Variants in ADGRG2 observed in about 807,000 individuals in gnomAD.
The protein encoded by ADGRG2 is adhesion G protein-coupled receptor G2, also known as G protein-coupled receptor 64.
Under a neutral mutation model 74.1 loss-of-function variants are expected in ADGRG2, and 26 were observed. The ratio of observed to expected loss-of-function variants is 0.35; its 90% confidence interval spans 0.26 to 0.49. The LOEUF is 0.49. ADGRG2 is among the 20% of genes least tolerant of loss of function. The pLI is 0.99. For synonymous variants in ADGRG2, 296 were observed against 295.2 expected (o/e 1.00, Z -0.03); for missense variants, 619 against 763.1 (o/e 0.81, Z 2.22).
chrX:19,078,204 T>C (rs888241723), intron 2 of ADGRG2, among the ~76,000 whole-genome samples: 3 of 112,064 alleles, frequency 2.7e-5, no homozygotes, highest in African/African-American at 9.7e-5. Context: ...AACAAAAAGT[T>C]AGATGTGTTA....
At position 18,990,825 on chromosome X, in the gene ADGRG2, CA is replaced by C. The variant is rs755562938; in HGVS notation, c.*38del. Reference sequence around the variant, plus strand: ...GTAAAAGGTAAAATTGGACATTTCACACTGTCAAGCATCATGCTTTGATTTT... The same window carrying C: ...GTAAAAGGTAAAATTGGACATTTCACCTGTCAAGCATCATGCTTTGATTTT... On this transcript the variant is annotated 3_prime_UTR_variant, in exon 29 of 29. Transcript: ENST00000379869. 15 of 989,554 alleles carry C rather than the reference CA, an allele frequency of 1.5e-5. No individual in the cohort carries two copies. The highest frequency in any genetic ancestry group is 3.2e-5 in the East Asian group (1 of 30,925). 81.6% of individuals were successfully genotyped at this position (989,554 alleles called of 1,213,427 possible). A position where few individuals can be genotyped will look rare whatever the true frequency, so the allele number is the denominator to read the frequency against.
intron 2 of ADGRG2, among the ~76,000 whole-genome samples, chrX:19,077,334 TAAAAAAA>T (rs34976230): frequency 5.2e-5 from 2 of 38,612 alleles, no homozygotes; most frequent in East Asian, 8.5e-4. Context: ...CTGTCTCTAC[TAAAAAAA>T]AAAAAAAAAA....
At chrX:19,089,306 G>T (rs776094725) in intron 1 of ADGRG2, among the ~76,000 whole-genome samples, 66 of 110,946 alleles carry the variant, frequency 5.9e-4, no homozygotes, top group African/African-American at 2.1e-3. Flanking sequence ...TGGGAGGAGG[G>T]AGAGGATCAG....
intron 2 of ADGRG2, among the ~76,000 whole-genome samples, chrX:19,074,147 G>A (rs773466274): frequency 4.5e-5 from 5 of 111,822 alleles, no homozygotes; most frequent in African/African-American, 1.6e-4. Flanking sequence ...TCAGTGTTCC[G>A]GGAATATGTT....
chrX:19,114,705 C>T (rs1343521899), intron 1 of ADGRG2, among the ~76,000 whole-genome samples: 1 of 111,217 alleles, frequency 9.0e-6, no homozygotes, highest in Non-Finnish European at 1.9e-5. Flanking sequence ...TCAAATGTCC[C>T]CTGGGAGGCA....
intron 1 of ADGRG2, among the ~76,000 whole-genome samples, chrX:19,088,352 T>C (rs779072377): frequency 8.9e-6 from 1 of 112,261 alleles, no homozygotes; most frequent in African/African-American, 3.2e-5. Flanking sequence ...CTTAAATCAA[T>C]CTCAATTAAG....
At chrX:19,012,922 C>T (rs1449413944) in intron 16 of ADGRG2, among the ~76,000 whole-genome samples, 2 of 111,582 alleles carry the variant, frequency 1.8e-5, no homozygotes, top group African/African-American at 3.3e-5. Flanking sequence ...CTCTGTACCA[C>T]TAAGCCCACT....
intron 26 of ADGRG2, among the ~76,000 whole-genome samples, chrX:18,996,521 T>C (rs1223564132): frequency 9.1e-6 from 1 of 110,425 alleles, no homozygotes; most frequent in African/African-American, 3.3e-5. Flanking sequence ...CCTCCCTCCC[T>C]ATTTAGAATC....
intron 2 of ADGRG2, among the ~76,000 whole-genome samples, chrX:19,073,026 G>A (rs1225242053): frequency 8.9e-6 from 1 of 112,333 alleles, no homozygotes. Context: ...GTGTGAGCTG[G>A]TGGGAGGTGT....
At chrX:19,017,072 C>A (rs2060485792) in intron 15 of ADGRG2, among the ~76,000 whole-genome samples, 1 of 111,381 alleles carries the variant, frequency 9.0e-6, no homozygotes, top group Admixed American at 9.6e-5. Context: ...CAACATGCAG[C>A]CAGGATTGAG....
At position 19,023,418 on chromosome X, in the gene ADGRG2, T is replaced by C. The variant is rs1167195067; in HGVS notation, c.546A>G (p.Gln182=). The C allele has an allele frequency of 2.7e-6, 3 of 1,102,274 alleles. No homozygotes were observed. Among genetic ancestry groups the C allele is most frequent in the South Asian group, 2.0e-5 (1 of 50,286 alleles). The allele number at this position is 1,102,274 out of a possible 1,213,427, so 90.8% of individuals were successfully genotyped here. Residue 182 remains glutamine (Q), a splice_region_variant and synonymous_variant, in exon 13 of 29, where the codon CAA becomes CAG. Transcript: ENST00000379869. ...TGAAAGTATTAAAAATGACTGACCT[T>C]TGGGCCTCTGCTGTAGCACACATTA... ...YFIMCATAEA[Q]STLNCTFTIK... is the part of the protein sequence containing the mutation.
At chrX:18,999,339 C>G in intron 25 of ADGRG2, 60 bp from the exon 26 acceptor site, 1 of 920,932 alleles carries the variant, frequency 1.1e-6, no homozygotes, top group South Asian at 2.5e-5. Context: ...AACTAGAGTT[C>G]AAAATGATAC....
In ADGRG2 at chrX:18,999,155, T is replaced by G; in HGVS notation, c.2455A>C (p.Lys819Gln). ...LVQLCRIKKK[K>Q]QLGAQRKTSI... ...GTTTTTCGCTGGGCTCCCAGTTGCT[T>G]CTTCTTTTTAATTCGACAGAGCTGA... The change falls in exon 26 of 29, where the codon AAG becomes CAG. Residue 819 changes from lysine to glutamine, a missense_variant. Around this residue, in one of 3 missense-constraint regions of ADGRG2, gnomAD observed 221 missense variants for 340.6 expected, o/e 0.65. Transcript: ENST00000379869. 3 of 1,211,152 alleles carry G rather than the reference T, an allele frequency of 2.5e-6. No homozygotes were observed. The highest frequency in any genetic ancestry group is 2.3e-4 in the Middle Eastern group (1 of 4,354).
intron 3 of ADGRG2, among the ~76,000 whole-genome samples, chrX:19,043,399 T>A (rs1430324222): frequency 3.6e-5 from 4 of 111,631 alleles, no homozygotes; most frequent in Non-Finnish European, 7.5e-5. Flanking sequence ...AGTCATATAT[T>A]TGAGCTCCAT....
intron 1 of ADGRG2, among the ~76,000 whole-genome samples, chrX:19,117,444 T>C (rs1271424653): frequency 1.8e-5 from 2 of 111,471 alleles, no homozygotes; most frequent in African/African-American, 6.5e-5. Flanking sequence ...TGATTCTCTT[T>C]CTTCCTCAGT....
intron 1 of ADGRG2, among the ~76,000 whole-genome samples, chrX:19,101,274 A>C (rs1292347626): frequency 9.0e-6 from 1 of 111,520 alleles, no homozygotes; most frequent in Non-Finnish European, 1.9e-5. Context: ...TCACAAAAAT[A>C]GTATTAAATG....
In ADGRG2 at chrX:19,094,313, A is replaced by T. The variant is rs1236794682; in HGVS notation, c.-46-11567T>A. The stretch of plus-strand genomic sequence containing the variant: ...CACTCAAAGCCCAGACTTCACCAAT[A>T]CACAATACCTTCATGTAACAAAGCT... On this transcript the variant is annotated intron_variant, in intron 1 of 28. Transcript: ENST00000379869. 3.6e-5 allele frequency among the ~76,000 whole-genome samples: 4 copies of T among 111,130 alleles called. No homozygotes were observed. In the East Asian group the frequency reaches 1.1e-3, roughly 31 times the overall value.
Position 19,037,491 on chromosome X carries a change from C to T in ADGRG2, c.203-1G>A. On this transcript the variant is annotated splice_acceptor_variant, in intron 5 of 28. Coordinates refer to ENST00000379869, the MANE Select transcript of ADGRG2 (RefSeq NM_001079858.3). LOFTEE classifies it high-confidence loss of function. ...CCATTGAGGCTTGTTGTTTCAACCT[C>T]TTTTTGTCCCGAGGAGAAAAACAAT... 8.5e-7 allele frequency: 1 copy of T among 1,178,309 alleles called. No homozygotes were observed. Among genetic ancestry groups the T allele is most frequent in the Non-Finnish European group, 1.1e-6 (1 of 871,016 alleles).
chrX:19,087,408 T>A, intron 1 of ADGRG2, among the ~76,000 whole-genome samples: 2 of 112,372 alleles, frequency 1.8e-5, no homozygotes, highest in South Asian at 7.4e-4. Flanking sequence ...TGGGCAGTAA[T>A]GGGAGCACCG....
Sources: allele counts gnomAD v4.1 joint callset (sites outside exome capture counted in the v4.1 genomes callset), GRCh38; gene constraint gnomAD v4.1.1; regional missense constraint gnomAD v4.1.1; transcripts MANE v1.5; gene names NCBI Gene and HGNC (gene_info 2026-07-23, HGNC 2026-07-21).